The following IGF1R variants were observed in gnomAD, a reference collection of about 807,000 sequenced individuals.
The protein encoded by IGF1R is insulin-like growth factor 1 receptor.
In IGF1R, 44 loss-of-function variants were observed where a neutral mutation model predicts 144.6. The ratio of observed to expected loss-of-function variants is 0.30; its 90% CI spans 0.24 to 0.39. The LOEUF (loss-of-function observed/expected upper bound fraction) is 0.39, where lower values mean the gene tolerates loss of function less well. Ranked by LOEUF, IGF1R falls within the 10% of genes least tolerant of loss-of-function variation. The pLI, the probability that IGF1R is intolerant of heterozygous loss-of-function variation, is 1.00. For missense variants in IGF1R, 1,355 were observed against 1,833.7 expected (o/e 0.74, Z 4.77); for synonymous variants, 795 against 722.8 (o/e 1.10, Z -1.60).
At chr15:98,771,375 C>G (rs1403627725) in intron 2 of IGF1R, among the ~76,000 whole-genome samples, 1 of 152,208 alleles carries the variant, frequency 6.6e-6, no homozygotes, top group Non-Finnish European at 1.5e-5. Context: ...TCCACCCTCT[C>G]TCCCCTTCCT....
chr15:98,804,581 A>G (rs983737123), intron 2 of IGF1R, among the ~76,000 whole-genome samples: 1 of 152,226 alleles, frequency 6.6e-6, no homozygotes, highest in Non-Finnish European at 1.5e-5. Context: ...AGAGCAGCGC[A>G]CACACAGCAC....
chr15:98,915,931 A>T (rs754618386), intron 8 of IGF1R, 33 bp from the exon 9 acceptor site: 1 of 1,609,564 alleles, frequency 6.2e-7, no homozygotes, highest in Admixed American at 1.7e-5. Context: ...AGTTCATTTC[A>T]TTTTCTAGAA....
chr15:98,671,459 C>T (rs1242440101), intron 1 of IGF1R, among the ~76,000 whole-genome samples: 1 of 152,122 alleles, frequency 6.6e-6, no homozygotes, highest in African/African-American at 2.4e-5. Flanking sequence ...GGAGCATGTC[C>T]CAACTGAGCT....
chr15:98,899,751 C>G, intron 5 of IGF1R, 130 bp downstream of exon 5: 1 of 888,176 alleles, frequency 1.1e-6, no homozygotes, highest in South Asian at 1.4e-5. Context: ...CGCAGTATTG[C>G]CTGTGCTGCT....
At chr15:98,790,397 A>T (rs1302796515) in intron 2 of IGF1R, among the ~76,000 whole-genome samples, 1 of 152,196 alleles carries the variant, frequency 6.6e-6, no homozygotes, top group African/African-American at 2.4e-5. Context: ...CCTGCTTGTG[A>T]GCACAGAAAA....
intron 1 of IGF1R, among the ~76,000 whole-genome samples, chr15:98,695,197 A>G (rs1287863775): frequency 1.3e-5 from 2 of 152,216 alleles, no homozygotes; most frequent in Non-Finnish European, 2.9e-5. Context: ...GATTTTCCCT[A>G]GTAAGTCAGT....
Position 98,957,752 on chromosome 15 carries a change from C to T in IGF1R, c.*310C>T. The T allele has an allele frequency of 4.3e-6, 2 of 460,316 alleles. No individual in the cohort carries two copies. The highest frequency in any genetic ancestry group is 7.8e-6 in the Non-Finnish European group (2 of 255,484). The allele number at this position is 460,316 out of a possible 1,614,324, so 28.5% of individuals were successfully genotyped here. ...ACCAGTCTCCTCACTCTGTCCCTGTCCTTCCCTGTTCTCCCTTTCTCTCTC... is the reference window on the plus strand; with the variant it reads ...ACCAGTCTCCTCACTCTGTCCCTGTTCTTCCCTGTTCTCCCTTTCTCTCTC... On this transcript the variant is annotated 3_prime_UTR_variant, in exon 21 of 21. Transcript: ENST00000650285.
At chr15:98,824,842 CT>C (rs367882753) in intron 2 of IGF1R, among the ~76,000 whole-genome samples, 112 of 145,938 alleles carry the variant, frequency 7.7e-4, no homozygotes, top group African/African-American at 6.0e-4. Flanking sequence ...TTTTCTTCTT[CT>C]TTTTTTTTTT....
chr15:98,822,181 G>A (rs1045316706), intron 2 of IGF1R, among the ~76,000 whole-genome samples: 5 of 152,128 alleles, frequency 3.3e-5, no homozygotes, highest in Non-Finnish European at 5.9e-5. Flanking sequence ...TACCCAGTGA[G>A]TCTCCTCAAA....
chr15:98,747,214 G>C (rs1274150876), intron 2 of IGF1R, among the ~76,000 whole-genome samples: 1 of 151,532 alleles, frequency 6.6e-6, no homozygotes, highest in Non-Finnish European at 1.5e-5. Flanking sequence ...TTGTGTTTTT[G>C]AGACAGAGTT....
At chr15:98,677,084 G>A (rs1421770779) in intron 1 of IGF1R, among the ~76,000 whole-genome samples, 1 of 151,974 alleles carries the variant, frequency 6.6e-6, no homozygotes, top group Non-Finnish European at 1.5e-5. Context: ...ACTGGTATGC[G>A]CCACCATGCC....
chr15:98,957,328 C>T lies in IGF1R; in HGVS notation c.3990C>T (p.Gly1330=), dbSNP rs762955814. The change falls in exon 21 of 21, where the codon GGC becomes GGT. Residue 1330 remains glycine (G), a synonymous_variant. Coordinates refer to ENST00000650285, the MANE Select transcript of IGF1R (RefSeq NM_000875.5). ...HSGHKAENGP[G]PGVLVLRASF... Reference sequence around the variant, plus strand: ...GACACAAGGCCGAGAACGGCCCCGGCCCTGGGGTGCTGGTCCTCCGCGCCA... The same window carrying T: ...GACACAAGGCCGAGAACGGCCCCGGTCCTGGGGTGCTGGTCCTCCGCGCCA... 1 of 1,612,204 alleles carries T rather than the reference C, an allele frequency of 6.2e-7. No individual in the cohort carries two copies. The highest frequency in any genetic ancestry group is 8.5e-7 in the Non-Finnish European group (1 of 1,178,854).
chr15:98,895,535 A>G (rs917134815), intron 3 of IGF1R, among the ~76,000 whole-genome samples: 1 of 152,208 alleles, frequency 6.6e-6, no homozygotes, highest in Non-Finnish European at 1.5e-5. Context: ...GTTGAATGCA[A>G]TGGTAGAGGA....
At chr15:98,656,280 C>T (rs74035314) in intron 1 of IGF1R, among the ~76,000 whole-genome samples, 1,660 of 152,266 alleles carry the variant, frequency 0.011, 41 homozygotes, top group African/African-American at 0.038. Flanking sequence ...CTGGGCACAG[C>T]GGCTCCTGCC....
In IGF1R at chr15:98,755,920, A is replaced by G. The variant is rs543865063; in HGVS notation, c.640+47813A>G. On this transcript the variant is annotated intron_variant, in intron 2 of 20. Coordinates refer to ENST00000650285, the MANE Select transcript of IGF1R (RefSeq NM_000875.5). ...TTTTATGAAATGCCTTTTTGGCATGATATAATTGTGAGCTTTTGCTTTTAT... is the reference window on the plus strand; with the variant it reads ...TTTTATGAAATGCCTTTTTGGCATGGTATAATTGTGAGCTTTTGCTTTTAT... Among the ~76,000 whole-genome samples the G allele has an allele frequency of 1.2e-3, 185 of 152,182 alleles. 2 individuals are homozygous for G. Among genetic ancestry groups the G allele is most frequent in the African/African-American group, 4.3e-3 (178 of 41,516 alleles).
chr15:98,848,531 C>T (rs1453463771), intron 2 of IGF1R, among the ~76,000 whole-genome samples: 3 of 152,198 alleles, frequency 2.0e-5, no homozygotes, highest in African/African-American at 7.2e-5. Context: ...TTTTTCCTAA[C>T]CTCTCTGAAC....
chr15:98,816,850 T>C (rs946627670), intron 2 of IGF1R, among the ~76,000 whole-genome samples: 1 of 152,178 alleles, frequency 6.6e-6, no homozygotes, highest in Non-Finnish European at 1.5e-5. Context: ...CTCATAACCA[T>C]GTGGCTCCAG....
At chr15:98,902,382 T>G (rs1455663621) in intron 5 of IGF1R, among the ~76,000 whole-genome samples, 4 of 152,070 alleles carry the variant, frequency 2.6e-5, no homozygotes, top group Non-Finnish European at 4.4e-5. Context: ...GGTTCACCCA[T>G]GTTGTTAACA....
chr15:98,929,537 A>C (rs756683698), intron 13 of IGF1R, 21 bp from the exon 14 acceptor site: 1 of 1,579,252 alleles, frequency 6.3e-7, no homozygotes, highest in African/African-American at 1.3e-5. Context: ...ATATTTTATC[A>C]TTTCCTCCTC....
Sources: allele counts gnomAD v4.1 joint callset (sites outside exome capture counted in the v4.1 genomes callset), GRCh38; gene constraint gnomAD v4.1.1; transcripts MANE v1.5; gene names NCBI Gene and HGNC (gene_info 2026-07-23, HGNC 2026-07-21).